TESPA1: variants seen among roughly 807,000 people sequenced by gnomAD.
TESPA1 encodes the protein thymocyte expressed, positive selection associated 1.
Under a neutral mutation model 57.9 loss-of-function variants are expected in TESPA1, and 33 were observed. That is an observed-to-expected ratio of 0.57 (90% CI 0.43 to 0.76). The LOEUF (loss-of-function observed/expected upper bound fraction) is 0.76. Ranked by LOEUF, TESPA1 falls within the 30% of genes least tolerant of loss-of-function variation. The pLI is 0.00. For synonymous variants in TESPA1, 227 were observed against 228.9 expected, an observed-to-expected ratio of 0.99 and a Z score of 0.07; for missense variants, 618 against 632.9, an observed-to-expected ratio of 0.98 and a Z score of 0.25.
At chr12:54,983,512 C>T (rs1258565384) in intron 1 of TESPA1, among the ~76,000 whole-genome samples, 3 of 152,126 alleles carry the variant, frequency 2.0e-5, no homozygotes, top group Non-Finnish European at 4.4e-5. Context: ...AGGTTCCTAC[C>T]TCCAACCTCC....
chr12:54,954,063 G>A (rs1030340980), intron 10 of TESPA1, among the ~76,000 whole-genome samples: 3 of 152,194 alleles, frequency 2.0e-5, no homozygotes, highest in African/African-American at 4.8e-5. Context: ...GACAAAGGTA[G>A]TGAGAGTATT....
chr12:54,974,366 C>A lies in TESPA1; in HGVS notation c.163+34G>T, dbSNP rs765003621. The A allele has an allele frequency of 2.3e-5, 35 of 1,535,922 alleles. 1 individual carries two copies. The highest frequency in any genetic ancestry group is 3.0e-5 in the Non-Finnish European group (34 of 1,138,214). On this transcript the variant is annotated intron_variant, in intron 2 of 10. Transcript: ENST00000449076. Reference sequence around the variant, plus strand: ...CCTGCTGTCACCTTTTGCCGCCAGACAACATAGACGCCTGTCTGATGTTCG... The same window carrying A: ...CCTGCTGTCACCTTTTGCCGCCAGAAAACATAGACGCCTGTCTGATGTTCG...
chr12:54,979,293 C>T (rs1952232369), intron 1 of TESPA1, among the ~76,000 whole-genome samples: 1 of 152,218 alleles, frequency 6.6e-6, no homozygotes, highest in Non-Finnish European at 1.5e-5. Flanking sequence ...TCTATCATCT[C>T]TCTTGATGCT....
intron 1 of TESPA1, among the ~76,000 whole-genome samples, chr12:54,978,280 C>T (rs17116705): frequency 0.013 from 1,946 of 152,208 alleles, 46 homozygotes; most frequent in African/African-American, 0.045. Context: ...AAGACTTGGA[C>T]ATTTTTCTGA....
Position 54,948,813 on chromosome 12 carries a change from A to G in TESPA1, c.*1579T>C, listed in dbSNP as rs931745957. 1.9e-4 allele frequency: 29 copies of G among 152,244 alleles called. No individual in the cohort carries two copies. The highest frequency in any genetic ancestry group is 6.8e-4 in the African/African-American group (28 of 41,448). The allele number at this position is 152,244 out of a possible 1,614,324, so 9.4% of individuals were successfully genotyped here. On this transcript the variant is annotated 3_prime_UTR_variant, in exon 11 of 11. Coordinates refer to ENST00000449076, the MANE Select transcript of TESPA1 (RefSeq NM_001136030.3). ...TGTCAGATATTTCTGTTCTCTTGTGACAAGATAGCCTTAACTTTCCCCTCA... is the reference window on the plus strand; with the variant it reads ...TGTCAGATATTTCTGTTCTCTTGTGGCAAGATAGCCTTAACTTTCCCCTCA...
intron 5 of TESPA1, 135 bp from the exon 6 acceptor site, chr12:54,966,559 T>G: frequency 1.0e-6 from 1 of 982,898 alleles, no homozygotes; most frequent in Middle Eastern, 2.2e-4. Flanking sequence ...ACCCCATAAA[T>G]TCTGCACTTC....
intron 9 of TESPA1, 51 bp downstream of exon 9, chr12:54,962,380 G>C: frequency 1.3e-6 from 2 of 1,569,566 alleles, no homozygotes; most frequent in Non-Finnish European, 1.7e-6. Flanking sequence ...TTCTGGGAAA[G>C]AATCTACAGC....
At chr12:54,967,770 C>T in intron 4 of TESPA1, 73 bp downstream of exon 4, 1 of 1,546,750 alleles carries the variant, frequency 6.5e-7, no homozygotes. Context: ...TGCATAAACA[C>T]TCACATACAC....
At chr12:54,974,712 G>A in intron 1 of TESPA1, 105 bp from the exon 2 acceptor site, 1 of 809,314 alleles carries the variant, frequency 1.2e-6, no homozygotes, top group African/African-American at 1.8e-5. Context: ...AAGGAGCTTG[G>A]TCTCTCTGAC....
At position 54,967,226 on chromosome 12, in the gene TESPA1, G is replaced by T. The variant is rs748513459; in HGVS notation, c.267C>A (p.Ser89Arg). Residue 89 changes from serine to arginine, a missense_variant, in exon 5 of 11, where the codon AGC (serine) becomes AGA (arginine). Ser to Arg is a moderately radical substitution (Grantham distance 110). Around this residue, in one of 3 missense-constraint regions of TESPA1, gnomAD observed 199 missense variants for 184.0 expected, o/e 1.08. Coordinates refer to ENST00000449076, the MANE Select transcript of TESPA1 (RefSeq NM_001136030.3). ...AGQFIYNGFC[S>R]HGTSFEDDLT... ...AGTCATCTTCAAAGCTGGTCCCATGGCTGCAGAAGCCTGTCCAATAATCAG... is the reference window on the plus strand; with the variant it reads ...AGTCATCTTCAAAGCTGGTCCCATGTCTGCAGAAGCCTGTCCAATAATCAG... The T allele has an allele frequency of 6.2e-7, 1 of 1,612,466 alleles. No homozygotes were observed. The highest frequency in any genetic ancestry group is 8.5e-7 in the Non-Finnish European group (1 of 1,179,554).
intron 1 of TESPA1, among the ~76,000 whole-genome samples, chr12:54,980,536 C>T (rs947877833): frequency 2.6e-5 from 4 of 152,202 alleles, no homozygotes; most frequent in East Asian, 3.8e-4. Context: ...GGTGGGGCCC[C>T]GCCCGGTACA....
intron 10 of TESPA1, among the ~76,000 whole-genome samples, chr12:54,955,521 A>T (rs546083874): frequency 6.6e-6 from 1 of 152,334 alleles, no homozygotes; most frequent in Non-Finnish European, 1.5e-5. Context: ...TCCAATTACC[A>T]GGTAAGTCTA....
At chr12:54,954,512 A>G (rs958943882) in intron 10 of TESPA1, among the ~76,000 whole-genome samples, 1 of 152,172 alleles carries the variant, frequency 6.6e-6, no homozygotes, top group Non-Finnish European at 1.5e-5. Flanking sequence ...CACCAAGATT[A>G]CTTCCAAGGC....
chr12:54,976,483 A>G (rs1408356420), intron 1 of TESPA1, among the ~76,000 whole-genome samples: 2 of 149,600 alleles, frequency 1.3e-5, no homozygotes, highest in African/African-American at 4.9e-5. Flanking sequence ...AAAGGAAGGC[A>G]GGAAACCAGG....
In TESPA1 at chr12:54,973,360, T is replaced by C; in HGVS notation, c.206+117A>G. The C allele has an allele frequency of 2.0e-6, 3 of 1,465,342 alleles. No individual in the cohort carries two copies. In the Admixed American group the frequency reaches 5.2e-5, roughly 25 times the overall value. 90.8% of individuals were successfully genotyped at this position (1,465,342 alleles called of 1,614,324 possible). A position where few individuals can be genotyped will look rare whatever the true frequency, so the allele number is the denominator to read the frequency against. On this transcript the variant is annotated intron_variant, in intron 3 of 10. Transcript: ENST00000449076. ...CTCCAACCACCATCTCAACCTTACT[T>C]CTAATCTTTAGGCCCAAATCAAATC... is the stretch of plus-strand genomic sequence containing the variant.
intron 6 of TESPA1, 105 bp from the exon 7 acceptor site, chr12:54,966,256 C>G (rs1592369583): frequency 6.4e-7 from 1 of 1,565,120 alleles, no homozygotes; most frequent in East Asian, 2.3e-5. Context: ...GTAGTCTATG[C>G]AGTGCTTGTT....
rs1404729206 is a variant in TESPA1 at position 54,949,724 on chromosome 12, T to A, written c.*668A>T. The A allele has an allele frequency of 6.6e-6, 1 of 152,602 alleles. No homozygotes were observed. The highest frequency in any genetic ancestry group is 1.5e-5 in the Non-Finnish European group (1 of 68,050). The allele number at this position is 152,602 out of a possible 1,614,324, so 9.5% of individuals were successfully genotyped here. ...GAGAAGAGACTCTGAATCCTACTTA[T>A]CTCTTTTTCTATAAAGATGCAAAAT... On this transcript the variant is annotated 3_prime_UTR_variant, in exon 11 of 11. Coordinates refer to ENST00000449076, the MANE Select transcript of TESPA1 (RefSeq NM_001136030.3).
chr12:54,965,633 A>G (rs987020784), intron 7 of TESPA1, among the ~76,000 whole-genome samples: 2 of 152,180 alleles, frequency 1.3e-5, no homozygotes, highest in East Asian at 3.9e-4. Flanking sequence ...GCTATTGTGA[A>G]TAGTGCTGCT....
At chr12:54,957,207 A>T (rs1950787331) in intron 10 of TESPA1, among the ~76,000 whole-genome samples, 2 of 152,098 alleles carry the variant, frequency 1.3e-5, no homozygotes, top group Admixed American at 1.3e-4. Flanking sequence ...CCATTTGCCT[A>T]CTCAGCTGGG....
Sources: gnomAD v4.1 joint callset for allele counts (sites outside exome capture counted in the v4.1 genomes callset) on GRCh38, gnomAD v4.1.1 for gene constraint, gnomAD v4.1.1 regional missense constraint, MANE v1.5 for transcripts, NCBI Gene and HGNC (gene_info 2026-07-23, HGNC 2026-07-21) for gene names.